PYROXD2: variants seen among roughly 807,000 people sequenced by gnomAD.
PYROXD2 encodes pyridine nucleotide-disulfide oxidoreductase domain-containing protein 2.
A neutral mutation model predicts 71.1 loss-of-function variants in PYROXD2; 69 were observed. The ratio of observed to expected loss-of-function variants is 0.97; its 90% CI spans 0.80 to 1.19. PYROXD2 has a LOEUF of 1.19. Among genes scored for constraint, PYROXD2 ranks in the 50% most tolerant of loss-of-function variants. PYROXD2 has a pLI of 0.00. For missense variants in PYROXD2, 745 were observed against 748.9 expected, an observed-to-expected ratio of 0.99 and a Z score of 0.06; for synonymous variants, 287 against 302.7, an observed-to-expected ratio of 0.95 and a Z score of 0.54.
At chr10:98,398,690 C>T (rs1367967510) in intron 5 of PYROXD2, among the ~76,000 whole-genome samples, 1 of 152,206 alleles carries the variant, frequency 6.6e-6, no homozygotes, top group South Asian at 2.1e-4. Flanking sequence ...GCATGTAGGG[C>T]CACAGCTAGT....
intron 4 of PYROXD2, among the ~76,000 whole-genome samples, chr10:98,403,357 C>T (rs1052365051): frequency 1.3e-5 from 2 of 152,218 alleles, no homozygotes; most frequent in African/African-American, 4.8e-5. Flanking sequence ...GCTGCAGCGG[C>T]GGCCTAGTGC....
Position 98,415,047 on chromosome 10 carries a change from C to T in PYROXD2, c.89G>A (p.Gly30Asp), listed in dbSNP as rs1170070521. ...WRRDNTEARG[G>D]LKPEYDAVVI... ...CACCGCATCATACTCAGGCTTCAGACCTCCCCTGGCTTCCGTGTTATCTCG... is the reference window on the plus strand; with the variant it reads ...CACCGCATCATACTCAGGCTTCAGATCTCCCCTGGCTTCCGTGTTATCTCG... Residue 30 changes from glycine (G) to aspartate (D), a missense_variant, in exon 1 of 16, where the codon GGT becomes GAT. Gly to Asp is a moderately conservative substitution (Grantham distance 94). Transcript: ENST00000370575. 6.2e-7 allele frequency: 1 copy of T among 1,614,012 alleles called. No homozygotes were observed.
chr10:98,387,353 G>A, intron 13 of PYROXD2, 46 bp from the exon 14 acceptor site: 2 of 1,413,606 alleles, frequency 1.4e-6, no homozygotes, highest in Non-Finnish European at 2.0e-6. Flanking sequence ...AGGAAGAAGA[G>A]GAGGCACTAT....
At chr10:98,407,182 C>A (rs999386770) in intron 4 of PYROXD2, among the ~76,000 whole-genome samples, 1 of 152,120 alleles carries the variant, frequency 6.6e-6, no homozygotes. Context: ...AGAAAAGTCC[C>A]CAGGCCCCAC....
At chr10:98,409,378 A>C (rs1843712909) in intron 2 of PYROXD2, among the ~76,000 whole-genome samples, 2 of 152,198 alleles carry the variant, frequency 1.3e-5, no homozygotes. Flanking sequence ...AATCTGTGGC[A>C]ACCCCTATTT....
intron 4 of PYROXD2, 91 bp downstream of exon 4, chr10:98,407,491 C>T (rs1167580635): frequency 1.3e-6 from 2 of 1,523,714 alleles, no homozygotes; most frequent in East Asian, 2.3e-5. Context: ...GCGGGCATCA[C>T]CTCGGGCACA....
At chr10:98,413,660 G>A (rs1005988299) in intron 1 of PYROXD2, among the ~76,000 whole-genome samples, 9 of 152,164 alleles carry the variant, frequency 5.9e-5, no homozygotes, top group Admixed American at 3.3e-4. Flanking sequence ...GTTGCAGTGA[G>A]CCGAGATTGC....
chr10:98,392,923 G>C lies in PYROXD2; in HGVS notation c.927+19C>G. ...GGGATCCTTACTAATAATTGGGGTG[G>C]GGTAGAGGGGCCGTTCACCTTTTCA... is the stretch of plus-strand genomic sequence containing the variant. On this transcript the variant is annotated intron_variant, in intron 9 of 15. Transcript: ENST00000370575. The C allele has an allele frequency of 6.2e-7, 1 of 1,610,654 alleles. No homozygotes were observed. Among genetic ancestry groups the C allele is most frequent in the Non-Finnish European group, 8.5e-7 (1 of 1,177,920 alleles).
At chr10:98,388,624 G>T in intron 12 of PYROXD2, 116 bp from the exon 13 acceptor site, 1 of 1,158,058 alleles carries the variant, frequency 8.6e-7, no homozygotes, top group Non-Finnish European at 1.2e-6. Context: ...CTGGGCGATT[G>T]TCGCTCTACA....
chr10:98,388,604 G>T (rs900726137), intron 12 of PYROXD2, 96 bp from the exon 13 acceptor site: 7 of 1,274,470 alleles, frequency 5.5e-6, no homozygotes, highest in Non-Finnish European at 7.3e-6. Context: ...GCCCTGAGAT[G>T]ACACCAATTC....
intron 8 of PYROXD2, among the ~76,000 whole-genome samples, chr10:98,393,478 G>A (rs1014525010): frequency 2.6e-5 from 4 of 152,028 alleles, no homozygotes; most frequent in Admixed American, 1.3e-4. Flanking sequence ...CCCAGTGAAC[G>A]GCACCTTTCA....
intron 10 of PYROXD2, 135 bp downstream of exon 10, chr10:98,392,297 C>T (rs1003667433): frequency 5.2e-4 from 738 of 1,429,238 alleles, no homozygotes; most frequent in Non-Finnish European, 6.6e-4. Context: ...TGCCCTTACC[C>T]CCCTGTTTCC....
chr10:98,383,602 C>A lies in PYROXD2; in HGVS notation c.*196G>T. The A allele has an allele frequency of 1.6e-6, 1 of 631,032 alleles. No individual in the cohort carries two copies. Among genetic ancestry groups the A allele is most frequent in the Non-Finnish European group, 2.9e-6 (1 of 350,182 alleles). 39.1% of individuals were successfully genotyped at this position (631,032 alleles called of 1,614,324 possible). ...AATATTAGTTTTAATAAAACAGAAC[C>A]AGTCCATGTATGGAGGCATGGGCAT... On this transcript the variant is annotated 3_prime_UTR_variant, in exon 16 of 16. Transcript: ENST00000370575.
In PYROXD2 at chr10:98,393,031, A is replaced by G. The variant is rs145164432; in HGVS notation, c.838T>C (p.Trp280Arg). ...CCCATGCCCCCCTGGACGTAGCCCC[A>G]GGCCCCCTGCATTCCCTCCAGGCCC... Reference protein sequence around the residue: ...MGGLEGMQGAWGYVQGGMGAL... With the variant: ...MGGLEGMQGARGYVQGGMGAL... The change falls in exon 9 of 16, where the codon TGG becomes CGG. Residue 280 changes from tryptophan to arginine, a missense_variant. By Grantham distance (101) the Trp-to-Arg change is moderately radical. Transcript: ENST00000370575. The G allele has an allele frequency of 9.3e-5, 150 of 1,606,338 alleles. No homozygotes were observed. Among genetic ancestry groups the G allele is most frequent in the Non-Finnish European group, 1.2e-4 (137 of 1,175,452 alleles).
At chr10:98,414,860 G>T in intron 1 of PYROXD2, 149 bp downstream of exon 1, 3 of 1,219,490 alleles carry the variant, frequency 2.5e-6, no homozygotes, top group Non-Finnish European at 3.3e-6. Context: ...GCTTTCCATT[G>T]CAGCCCCTGC....
In PYROXD2 at chr10:98,385,076, G is replaced by C; in HGVS notation, c.1555-9C>G. The C allele has an allele frequency of 6.2e-7, 1 of 1,613,534 alleles. No individual in the cohort carries two copies. Among genetic ancestry groups the C allele is most frequent in the African/African-American group, 1.3e-5 (1 of 75,062 alleles). On this transcript the variant is annotated splice_polypyrimidine_tract_variant and intron_variant, in intron 14 of 15. Coordinates refer to ENST00000370575, the MANE Select transcript of PYROXD2 (RefSeq NM_032709.3). ...GCGCAGTGGAATATGTTCTGCAGAG[G>C]CAGGGCCACAGTCATCAGCACAGGA...
rs1205035766 is a variant in PYROXD2, at chr10:98,391,014, G to A, written c.1131C>T (p.Ile377=). The change falls in exon 11 of 16, where the codon ATC becomes ATT. Residue 377 remains isoleucine, a synonymous_variant. Transcript: ENST00000370575. ...QLDTRSPVTK[I]NVAVDRLPSF... ...GCAATGTGGTGTGCCTCTTACCATT[G>A]ATCTTGGTGACAGGCGACCGGGTGT... The A allele has an allele frequency of 3.1e-6, 5 of 1,609,806 alleles. No individual in the cohort carries two copies. The highest frequency in any genetic ancestry group is 1.3e-5 in the African/African-American group (1 of 74,804).
intron 4 of PYROXD2, 120 bp downstream of exon 4, chr10:98,407,462 G>C: frequency 8.1e-7 from 1 of 1,235,472 alleles, no homozygotes; most frequent in South Asian, 1.3e-5. Flanking sequence ...GACTTGGGTG[G>C]AAGAGGGAGC....
In PYROXD2 at chr10:98,392,594, A is replaced by G. The variant is rs1444148953; in HGVS notation, c.928-28T>C. The G allele has an allele frequency of 4.4e-6, 7 of 1,606,230 alleles. No individual in the cohort carries two copies. In the East Asian group the frequency reaches 1.6e-4, roughly 36 times the overall value. On this transcript the variant is annotated intron_variant, in intron 9 of 15. Transcript: ENST00000370575. ...AGAGCCCACCAGAACAAGGCCCCAGAAACCGCAGGAAGGGAAATCCATGTT... is the reference window on the plus strand; with the variant it reads ...AGAGCCCACCAGAACAAGGCCCCAGGAACCGCAGGAAGGGAAATCCATGTT...
Sources: allele counts gnomAD v4.1 joint callset (sites outside exome capture counted in the v4.1 genomes callset), GRCh38; gene constraint gnomAD v4.1.1; transcripts MANE v1.5; gene names NCBI Gene and HGNC (gene_info 2026-07-23, HGNC 2026-07-21).